Variants in KCNJ3 observed in about 807,000 individuals in gnomAD.
The protein encoded by KCNJ3 is potassium inwardly rectifying channel subfamily J member 3.
In KCNJ3, 4 loss-of-function variants were observed where a neutral mutation model predicts 39.2. That is an observed-to-expected ratio of 0.10 (90% CI 0.05 to 0.23). The LOEUF (loss-of-function observed/expected upper bound fraction) is 0.23, where lower values mean the gene tolerates loss of function less well. Ranked by LOEUF, KCNJ3 falls within the 10% of genes least tolerant of loss-of-function variation. KCNJ3 has a pLI of 1.00. For missense variants in KCNJ3, 276 were observed against 634.9 expected (o/e 0.43, Z 6.08); for synonymous variants, 230 against 237.4 (o/e 0.97, Z 0.29).
intron 2 of KCNJ3, among the ~76,000 whole-genome samples, chr2:154,843,644 T>C (rs1160179207): frequency 6.6e-6 from 1 of 152,148 alleles, no homozygotes; most frequent in African/African-American, 2.4e-5. Context: ...TTCTTTTTAC[T>C]CTTTTTTCTC....
In KCNJ3 at chr2:154,706,753, G is replaced by A. The variant is rs560731426; in HGVS notation, c.703-2850G>A. Reference sequence around the variant, plus strand: ...TGTATGTGCTTCTGAAAATGTATTTGGTAAGCATGTATAGGTTTTGAGAGC... The same window carrying A: ...TGTATGTGCTTCTGAAAATGTATTTAGTAAGCATGTATAGGTTTTGAGAGC... On this transcript the variant is annotated intron_variant, in intron 1 of 2. Transcript: ENST00000295101. Among the ~76,000 whole-genome samples the A allele has an allele frequency of 7.9e-5, 12 of 152,154 alleles. No homozygotes were observed. In the South Asian group the frequency reaches 2.5e-3, roughly 32 times the overall value.
At chr2:154,785,835 G>T (rs1686519711) in intron 2 of KCNJ3, among the ~76,000 whole-genome samples, 4 of 152,052 alleles carry the variant, frequency 2.6e-5, no homozygotes, top group Admixed American at 2.6e-4. Context: ...CCATCTTAAT[G>T]GCCTCATTTA....
chr2:154,818,950 T>TTTTTTTTA (rs1558882257), intron 2 of KCNJ3, among the ~76,000 whole-genome samples: 2 of 115,902 alleles, frequency 1.7e-5, no homozygotes, highest in Admixed American at 9.6e-5. Flanking sequence ...TTTTTTTTTT[T>TTTTTTTTA]AATCATCTTG....
chr2:154,831,151 G>C (rs1558885184), intron 2 of KCNJ3, among the ~76,000 whole-genome samples: 6 of 152,086 alleles, frequency 3.9e-5, no homozygotes, highest in African/African-American at 1.4e-4. Context: ...AGTGATCTCT[G>C]CAAAACACAG....
chr2:154,799,596 A>G (rs1396061174), intron 2 of KCNJ3, among the ~76,000 whole-genome samples: 2 of 152,118 alleles, frequency 1.3e-5, no homozygotes, highest in African/African-American at 4.8e-5. Context: ...GGACAGCCCA[A>G]AGCCTCAATC....
At chr2:154,770,373 G>A (rs540332092) in intron 2 of KCNJ3, among the ~76,000 whole-genome samples, 12 of 152,180 alleles carry the variant, frequency 7.9e-5, no homozygotes, top group East Asian at 3.9e-4. Context: ...ATTCTGTTCC[G>A]TCGTAGCTCT....
chr2:154,767,323 C>T (rs147511112), intron 2 of KCNJ3, among the ~76,000 whole-genome samples: 7 of 151,996 alleles, frequency 4.6e-5, no homozygotes, highest in Non-Finnish European at 7.4e-5. Flanking sequence ...TGCCTAATGC[C>T]ATCCCTCCCC....
intron 2 of KCNJ3, among the ~76,000 whole-genome samples, chr2:154,845,866 A>T (rs1687655313): frequency 6.6e-6 from 1 of 151,400 alleles, no homozygotes; most frequent in Non-Finnish European, 1.5e-5. Flanking sequence ...GCTACTTGGG[A>T]GGCTGAGGCA....
In KCNJ3 at chr2:154,855,283, A is replaced by G; in HGVS notation, c.1476A>G (p.Leu492=). The change falls in exon 3 of 3, where the codon TTA becomes TTG. Residue 492 remains leucine, a synonymous_variant. Transcript: ENST00000295101. ...TGGAAGGGAACCTTCCAGCCAAATT[A>G]AGAAAAATGAACTCTGATCGCTTCA... The part of the protein sequence containing the change: ...ARMEGNLPAK[L]RKMNSDRFT 6.2e-7 allele frequency: 1 copy of G among 1,607,690 alleles called. No homozygotes were observed. Among genetic ancestry groups the G allele is most frequent in the Non-Finnish European group, 8.5e-7 (1 of 1,178,044 alleles).
chr2:154,709,526 T>C (rs1238227154), intron 1 of KCNJ3, 77 bp from the exon 2 acceptor site: 2 of 1,394,638 alleles, frequency 1.4e-6, no homozygotes, highest in Admixed American at 4.1e-5. Context: ...TTGGCAATGA[T>C]GTAAATTACT....
intron 2 of KCNJ3, among the ~76,000 whole-genome samples, chr2:154,713,827 A>G (rs1293962663): frequency 2.0e-5 from 3 of 152,078 alleles, no homozygotes; most frequent in Admixed American, 6.5e-5. Context: ...TCAAACTTCA[A>G]TCTGGTTTCT....
At chr2:154,739,365 A>G (rs1025355832) in intron 2 of KCNJ3, among the ~76,000 whole-genome samples, 2 of 152,064 alleles carry the variant, frequency 1.3e-5, no homozygotes, top group Admixed American at 1.3e-4. Context: ...CCACATAAAG[A>G]GTTCAAGTTC....
At chr2:154,732,253 T>C (rs986427397) in intron 2 of KCNJ3, among the ~76,000 whole-genome samples, 1 of 152,162 alleles carries the variant, frequency 6.6e-6, no homozygotes, top group African/African-American at 2.4e-5. Context: ...TATTTCTAAA[T>C]GTCTTATTTA....
intron 2 of KCNJ3, 52 bp from the exon 3 acceptor site, chr2:154,854,675 A>G: frequency 2.2e-6 from 3 of 1,384,536 alleles, no homozygotes; most frequent in Non-Finnish European, 2.0e-6. Context: ...AACCGGCTTT[A>G]CATGTGCTTC....
intron 2 of KCNJ3, among the ~76,000 whole-genome samples, chr2:154,786,667 C>G (rs1170969111): frequency 6.6e-6 from 1 of 152,066 alleles, no homozygotes; most frequent in African/African-American, 2.4e-5. Flanking sequence ...CCCAAACACA[C>G]CAAATGAAAG....
At chr2:154,838,093 C>T (rs886958396) in intron 2 of KCNJ3, among the ~76,000 whole-genome samples, 5 of 151,992 alleles carry the variant, frequency 3.3e-5, no homozygotes, top group African/African-American at 1.2e-4. Context: ...TATGTGAATG[C>T]ATGTTTGTGT....
chr2:154,815,628 T>C (rs1687071567), intron 2 of KCNJ3, among the ~76,000 whole-genome samples: 2 of 152,226 alleles, frequency 1.3e-5, no homozygotes. Flanking sequence ...CTCATGCATT[T>C]TGACTCGTGA....
At chr2:154,803,516 G>A (rs1414717844) in intron 2 of KCNJ3, among the ~76,000 whole-genome samples, 1 of 150,640 alleles carries the variant, frequency 6.6e-6, no homozygotes, top group Admixed American at 6.6e-5. Context: ...AAGTATGATG[G>A]CAAAAGAATA....
At chr2:154,842,704 TTGTC>T (rs1294789913) in intron 2 of KCNJ3, among the ~76,000 whole-genome samples, 13 of 152,326 alleles carry the variant, frequency 8.5e-5, no homozygotes, top group African/African-American at 3.1e-4. Flanking sequence ...ATGGCCTTCT[TTGTC>T]TGTTTTGATC....
Sources: allele counts gnomAD v4.1 joint callset (sites outside exome capture counted in the v4.1 genomes callset), GRCh38; gene constraint gnomAD v4.1.1; transcripts MANE v1.5; gene names NCBI Gene and HGNC (gene_info 2026-07-23, HGNC 2026-07-21).